The following CACNA1A variants were observed in gnomAD, a reference collection of about 807,000 sequenced individuals.
CACNA1A encodes calcium voltage-gated channel subunit alpha1 A.
Under a neutral mutation model 262.4 loss-of-function variants are expected in CACNA1A, and 57 were observed. The ratio of observed to expected loss-of-function variants is 0.22; its 90% CI spans 0.18 to 0.27. The LOEUF is 0.27. Ranked by LOEUF, CACNA1A falls within the 10% of genes least tolerant of loss-of-function variation. CACNA1A has a pLI of 1.00. For missense variants in CACNA1A, 2,526 were observed against 3,562.8 expected (o/e 0.71, Z 7.41); for synonymous variants, 1,431 against 1,419.3 (o/e 1.01, Z -0.18).
intron 10 of CACNA1A, among the ~76,000 whole-genome samples, chr19:13,323,448 C>T (rs753127113): frequency 1.3e-5 from 2 of 152,018 alleles, no homozygotes; most frequent in Non-Finnish European, 2.9e-5. Context: ...TGTTCAGATC[C>T]TTTGCACATT....
At chr19:13,413,264 A>G (rs1459553522) in intron 3 of CACNA1A, among the ~76,000 whole-genome samples, 3 of 151,174 alleles carry the variant, frequency 2.0e-5, no homozygotes, top group East Asian at 2.0e-4. Flanking sequence ...CCGCCACCAT[A>G]CCTGGCTAAT....
At chr19:13,277,343 G>A (rs956441465) in intron 22 of CACNA1A, 3 of 483,190 alleles carry the variant, frequency 6.2e-6, no homozygotes, top group African/African-American at 3.9e-5. Context: ...TTGTCCAGCA[G>A]ATGGCAGCAA....
At position 13,277,225 on chromosome 19, in the gene CACNA1A, A is replaced by G. The variant is rs577963106; in HGVS notation, c.3823-97T>C. On this transcript the variant is annotated intron_variant, in intron 22 of 46. Transcript: ENST00000360228. ...TCGCCTACTGGGGAGCAGAGTTTCT[A>G]CCCAGAAGAGGAAACACAGCTGCTA... is the stretch of plus-strand genomic sequence containing the variant. 8.6e-5 allele frequency: 70 copies of G among 817,566 alleles called. 1 individual carries two copies. In the South Asian group the frequency reaches 9.5e-4, roughly 11 times the overall value. 50.6% of individuals were successfully genotyped at this position (817,566 alleles called of 1,614,324 possible).
chr19:13,430,629 T>C (rs1386488619), intron 3 of CACNA1A, among the ~76,000 whole-genome samples: 22 of 152,290 alleles, frequency 1.4e-4, no homozygotes, highest in Admixed American at 1.2e-3. Flanking sequence ...ACAAATTATT[T>C]AGTGAATACT....
In CACNA1A at chr19:13,495,687, C is replaced by T. The variant is rs1218698392; in HGVS notation, c.293+10245G>A. ...CCAAGTCAAACAGAACACCAAATAT[C>T]AGGGAGACCCACACATAGACAGCTA... On this transcript the variant is annotated intron_variant, in intron 1 of 46. Transcript: ENST00000360228. 4.6e-5 allele frequency among the ~76,000 whole-genome samples: 7 copies of T among 152,074 alleles called. No homozygotes were observed. In the South Asian group the frequency reaches 1.2e-3, roughly 27 times the overall value.
At position 13,207,912 on chromosome 19, in the gene CACNA1A, C is replaced by G; in HGVS notation, c.6922G>C (p.Gly2308Arg). ...TGCTGCTGCTGCGGGGGCCCCGAGC[C>G]GCCGGCCTTACGGATCACAGGGGAA... Reference protein sequence around the residue: ...SYSPVIRKAGGSGPPQQQQQQ... With the variant: ...SYSPVIRKAGRSGPPQQQQQQ... Residue 2308 changes from glycine (G) to arginine (R), a missense_variant, in exon 47 of 47, where the codon GGC becomes CGC. Transcript: ENST00000360228. The surrounding 1 kb of genome is among the most constrained non-coding windows in gnomAD (Gnocchi z 5.7). The G allele has an allele frequency of 6.8e-7, 1 of 1,464,390 alleles. No homozygotes were observed. The highest frequency in any genetic ancestry group is 9.0e-7 in the Non-Finnish European group (1 of 1,113,394). The allele number at this position is 1,464,390 out of a possible 1,614,324, so 90.7% of individuals were successfully genotyped here.
chr19:13,387,027 C>T (rs2059627073), intron 3 of CACNA1A, among the ~76,000 whole-genome samples: 1 of 152,028 alleles, frequency 6.6e-6, no homozygotes, highest in African/African-American at 2.4e-5. Context: ...TCTGGGCTCA[C>T]TGCAACTTCC....
At chr19:13,400,631 A>G (rs2059884281) in intron 3 of CACNA1A, among the ~76,000 whole-genome samples, 1 of 152,126 alleles carries the variant, frequency 6.6e-6, no homozygotes, top group Admixed American at 6.5e-5. Context: ...GTGACTCTCA[A>G]CCAGGGGTGA....
At chr19:13,487,001 G>A (rs149291321) in intron 1 of CACNA1A, among the ~76,000 whole-genome samples, 31 of 152,286 alleles carry the variant, frequency 2.0e-4, no homozygotes, top group Non-Finnish European at 3.8e-4. Context: ...GGCCCTGGCT[G>A]GGGGAAATGG....
At chr19:13,232,149 T>G (rs1568443734) in intron 34 of CACNA1A, among the ~76,000 whole-genome samples, 1 of 152,112 alleles carries the variant, frequency 6.6e-6, no homozygotes, top group Non-Finnish European at 1.5e-5. Context: ...ATATGTTTTT[T>G]TCTTTTCTTT....
At chr19:13,371,392 C>T (rs2059320480) in intron 4 of CACNA1A, 2 of 319,076 alleles carry the variant, frequency 6.3e-6, no homozygotes, top group Admixed American at 4.4e-5. Flanking sequence ...AGACATCAGT[C>T]CTATCAACTT....
intron 3 of CACNA1A, among the ~76,000 whole-genome samples, chr19:13,432,416 A>AAAAT (rs201856945): frequency 0.073 from 10,528 of 144,872 alleles, 399 homozygotes; most frequent in East Asian, 0.18. Flanking sequence ...CTCCATCTCA[A>AAAAT]AAATAAATAA....
chr19:13,455,092 A>C lies in CACNA1A; in HGVS notation c.399+15T>G, dbSNP rs1395412975. 3 of 1,525,444 alleles carry C rather than the reference A, an allele frequency of 2.0e-6. No homozygotes were observed. Among genetic ancestry groups the C allele is most frequent in the Middle Eastern group, 1.7e-4 (1 of 5,900 alleles). 94.5% of individuals were successfully genotyped at this position (1,525,444 alleles called of 1,614,324 possible). On this transcript the variant is annotated intron_variant, in intron 2 of 46. Transcript: ENST00000360228. ...TAAAGCCAAGGAGAAGACCCTGAGA[A>C]AAGACATCACTCACCAGCCGTTCAG...
At chr19:13,223,693 T>C (rs1366708603) in intron 38 of CACNA1A, among the ~76,000 whole-genome samples, 1 of 152,176 alleles carries the variant, frequency 6.6e-6, no homozygotes, top group Non-Finnish European at 1.5e-5. Context: ...GGGTGTCCTG[T>C]GTTCACCCCT....
chr19:13,307,755 G>A (rs1318934221), intron 15 of CACNA1A, 27 bp downstream of exon 15: 3 of 1,603,474 alleles, frequency 1.9e-6, no homozygotes, highest in East Asian at 2.2e-5. Context: ...AGAGGTGTTG[G>A]CCCGTGGGGC....
Position 13,209,406 on chromosome 19 carries a change from C to A in CACNA1A, c.6432G>T (p.Pro2144=). ...RLDDYSLERV[P]PEENQRHHQR... ...GGTGGTGCCGCTGGTTCTCCTCGGG[C>A]GGGACCCGCTCCAGCGAGTAATCGT... Residue 2144 remains proline (P), a synonymous_variant, in exon 45 of 47, where the codon CCG becomes CCT. Coordinates refer to ENST00000360228, the MANE Select transcript of CACNA1A (RefSeq NM_001127222.2). The A allele has an allele frequency of 7.2e-7, 1 of 1,398,526 alleles. No individual in the cohort carries two copies. The highest frequency in any genetic ancestry group is 9.3e-7 in the Non-Finnish European group (1 of 1,072,870). 86.6% of individuals were successfully genotyped at this position (1,398,526 alleles called of 1,614,324 possible).
chr19:13,405,690 T>G (rs2059991556), intron 3 of CACNA1A, among the ~76,000 whole-genome samples: 1 of 152,192 alleles, frequency 6.6e-6, no homozygotes, highest in Non-Finnish European at 1.5e-5. Context: ...CCACAGAGGT[T>G]TGGGCATCAG....
chr19:13,349,219 G>A (rs901799178), intron 6 of CACNA1A, among the ~76,000 whole-genome samples: 1 of 152,028 alleles, frequency 6.6e-6, no homozygotes, highest in African/African-American at 2.4e-5. Flanking sequence ...TTTCCTCACA[G>A]GGCTGTTTTA....
intron 1 of CACNA1A, among the ~76,000 whole-genome samples, chr19:13,503,912 T>C (rs538901302): frequency 6.6e-6 from 1 of 151,708 alleles, no homozygotes; most frequent in African/African-American, 2.4e-5. Context: ...CTCCCACGAT[T>C]CCCCCTTCCG....
Sources: allele counts gnomAD v4.1 joint callset (sites outside exome capture counted in the v4.1 genomes callset), GRCh38; gene constraint gnomAD v4.1.1; non-coding constraint Gnocchi (gnomAD v3.1); transcripts MANE v1.5; gene names NCBI Gene and HGNC (gene_info 2026-07-23, HGNC 2026-07-21).